The following COP1 variants were observed in gnomAD, a reference collection of about 807,000 sequenced individuals.
COP1 encodes the protein COP1 E3 ubiquitin ligase, also known as E3 ubiquitin-protein ligase COP1.
Under a neutral mutation model 101.3 loss-of-function variants are expected in COP1, and 24 were observed. That is an observed-to-expected ratio of 0.24 (90% CI 0.17 to 0.33). The LOEUF is 0.33. Ranked by LOEUF, COP1 falls within the 10% of genes least tolerant of loss-of-function variation. The pLI is 1.00. For missense variants in COP1, 663 were observed against 906.2 expected (o/e 0.73, Z 3.45); for synonymous variants, 347 against 341.9 (o/e 1.01, Z -0.17).
chr1:176,150,566 T>A (rs1240513883), intron 5 of COP1, among the ~76,000 whole-genome samples: 1 of 152,210 alleles, frequency 6.6e-6, no homozygotes, highest in Non-Finnish European at 1.5e-5. Flanking sequence ...TGGTTATCTC[T>A]AACTATCTAC....
intron 8 of COP1, among the ~76,000 whole-genome samples, chr1:176,119,264 T>A (rs1008977761): frequency 6.6e-6 from 1 of 152,206 alleles, no homozygotes; most frequent in Non-Finnish European, 1.5e-5. Flanking sequence ...CCCTTAGTGT[T>A]TGTATAACAC....
chr1:176,081,357 C>T (rs1679115210), intron 10 of COP1, 70 bp from the exon 11 acceptor site: 2 of 1,222,144 alleles, frequency 1.6e-6, no homozygotes, highest in South Asian at 1.7e-5. Flanking sequence ...AGAGCCACAT[C>T]CACAAATTAA....
intron 11 of COP1, among the ~76,000 whole-genome samples, chr1:176,048,506 C>A (rs912301856): frequency 6.6e-6 from 1 of 152,138 alleles, no homozygotes; most frequent in African/African-American, 2.4e-5. Flanking sequence ...GATTTTAATG[C>A]ACCATAACTA....
At chr1:176,189,535 A>C (rs1698870604) in intron 1 of COP1, among the ~76,000 whole-genome samples, 1 of 151,998 alleles carries the variant, frequency 6.6e-6, no homozygotes, top group African/African-American at 2.4e-5. Context: ...TTTTCAAACA[A>C]ACACAAATTT....
At chr1:176,005,330 G>T (rs776118599) in intron 15 of COP1, among the ~76,000 whole-genome samples, 3 of 152,110 alleles carry the variant, frequency 2.0e-5, no homozygotes, top group Non-Finnish European at 4.4e-5. Context: ...TTTTTGTAGG[G>T]TTTTTTGTGT....
In COP1 at chr1:176,059,966, T is replaced by C. The variant is rs188387360; in HGVS notation, c.1278-13642A>G. On this transcript the variant is annotated intron_variant, in intron 11 of 19. Transcript: ENST00000367669. Reference sequence around the variant, plus strand: ...TGAAATTTGACTCGCAGGTATTAGTTTGCTGACCTTAAACTGTTTTTTTAA... The same window carrying C: ...TGAAATTTGACTCGCAGGTATTAGTCTGCTGACCTTAAACTGTTTTTTTAA... Among the ~76,000 whole-genome samples the C allele has an allele frequency of 1.7e-3, 257 of 152,358 alleles. 1 individual carries two copies. Among genetic ancestry groups the C allele is most frequent in the African/African-American group, 5.9e-3 (246 of 41,586 alleles).
intron 7 of COP1, 77 bp downstream of exon 7, chr1:176,136,411 C>T (rs967253523): frequency 2.3e-5 from 22 of 947,836 alleles, no homozygotes; most frequent in Non-Finnish European, 3.5e-5. Context: ...AAACTTAACA[C>T]AGCAACTTAA....
intron 11 of COP1, among the ~76,000 whole-genome samples, chr1:176,061,050 T>C (rs963094058): frequency 1.3e-5 from 2 of 152,190 alleles, no homozygotes; most frequent in Non-Finnish European, 2.9e-5. Flanking sequence ...TATTACCTAA[T>C]TTCAAGCCTT....
chr1:176,128,807 G>A (rs891144400), intron 8 of COP1, among the ~76,000 whole-genome samples: 2 of 151,798 alleles, frequency 1.3e-5, no homozygotes. Context: ...AAATAAAGTT[G>A]TTGAACCAAT....
intron 18 of COP1, among the ~76,000 whole-genome samples, chr1:175,951,437 A>AATGAATATATATATATATATATATATAT (rs1649882218): frequency 1.9e-5 from 2 of 108,006 alleles, no homozygotes; most frequent in African/African-American, 6.8e-5. Flanking sequence ...AAGATACGTG[A>AATGAATATATATATATATATATATATAT]ATATATATAT....
chr1:176,113,026 G>A (rs1009332393), intron 9 of COP1, among the ~76,000 whole-genome samples: 1 of 152,156 alleles, frequency 6.6e-6, no homozygotes, highest in Non-Finnish European at 1.5e-5. Context: ...CAATTAACAT[G>A]GGAGTGCAGG....
At chr1:176,004,742 G>A (rs1662664349) in intron 15 of COP1, among the ~76,000 whole-genome samples, 1 of 148,840 alleles carries the variant, frequency 6.7e-6, no homozygotes, top group African/African-American at 2.4e-5. Context: ...TGTGCTGCGG[G>A]ATTCGTTTTG....
In COP1 at chr1:176,134,796, C is replaced by T. The variant is rs1689527153; in HGVS notation, c.968+214G>A. 4.6e-5 allele frequency among the ~76,000 whole-genome samples: 7 copies of T among 151,996 alleles called. No homozygotes were observed. The South Asian group carries it at 1.2e-3, about 27-fold the overall frequency. Reference sequence around the variant, plus strand: ...CAAACTTTTAATCCAACTGTGAATTCATAACATTATAGTATTCTACTCGCT... The same window carrying T: ...CAAACTTTTAATCCAACTGTGAATTTATAACATTATAGTATTCTACTCGCT... On this transcript the variant is annotated intron_variant, in intron 8 of 19. Coordinates refer to ENST00000367669, the MANE Select transcript of COP1 (RefSeq NM_022457.7).
At chr1:175,949,168 CAA>C (rs56280543) in intron 18 of COP1, among the ~76,000 whole-genome samples, 4 of 43,162 alleles carry the variant, frequency 9.3e-5, no homozygotes, top group South Asian at 1.6e-3. Flanking sequence ...GGCTCCGTCT[CAA>C]AAAAAAAAAA....
intron 2 of COP1, among the ~76,000 whole-genome samples, chr1:176,182,413 T>G (rs893837749): frequency 1.3e-5 from 2 of 152,134 alleles, no homozygotes; most frequent in African/African-American, 4.8e-5. Flanking sequence ...GGAGGAAAAT[T>G]TTGTCCCCCA....
intron 3 of COP1, among the ~76,000 whole-genome samples, chr1:176,165,992 T>C (rs894264553): frequency 6.6e-6 from 1 of 152,242 alleles, no homozygotes; most frequent in Non-Finnish European, 1.5e-5. Flanking sequence ...ATACTTTACA[T>C]GAATATGCCG....
rs56720201 is a variant in COP1, at chr1:176,081,294, GAAAA to G, written c.1142-11_1142-8del. On this transcript the variant is annotated splice_region_variant and splice_polypyrimidine_tract_variant and intron_variant, in intron 10 of 19. Coordinates refer to ENST00000367669, the MANE Select transcript of COP1 (RefSeq NM_022457.7). ...CTTGCAGTTCGACTGTCATCTATAT[GAAAA>G]AAAAAAAAAAAAGACAAAACAGATG... 6.8e-4 allele frequency: 868 copies of G among 1,276,120 alleles called. No homozygotes were observed. Among genetic ancestry groups the G allele is most frequent in the Admixed American group, 1.5e-3 (49 of 33,612 alleles). 79.0% of individuals were successfully genotyped at this position (1,276,120 alleles called of 1,614,324 possible).
chr1:175,966,278 AATACACACAC>A (rs1452895608), intron 18 of COP1, among the ~76,000 whole-genome samples: 2 of 51,676 alleles, frequency 3.9e-5, no homozygotes, highest in East Asian at 6.9e-4. Flanking sequence ...TTGTGTTTGC[AATACACACAC>A]ACACACACAC....
At position 176,162,890 on chromosome 1, in the gene COP1, C is replaced by T. The variant is rs1238184934; in HGVS notation, c.741G>A (p.Gln247=). ...NVNLMLELLV[Q]KKKQLEAESH... is the part of the protein sequence containing the mutation. ...TTACTGCTTCCAGTTGTTTCTTCTT[C>T]TGCACTAGTAACTCCAACATAAGAT... The change falls in exon 5 of 20, where the codon CAG becomes CAA. Residue 247 remains glutamine (Q), a synonymous_variant. Transcript: ENST00000367669. 1.9e-6 allele frequency: 3 copies of T among 1,600,348 alleles called. No individual in the cohort carries two copies. The Admixed American group carries it at 5.1e-5, about 27-fold the overall frequency.
Sources: gnomAD v4.1 joint callset for allele counts (sites outside exome capture counted in the v4.1 genomes callset) on GRCh38, gnomAD v4.1.1 for gene constraint, MANE v1.5 for transcripts, NCBI Gene and HGNC (gene_info 2026-07-23, HGNC 2026-07-21) for gene names.